Variants in ARID2 observed in about 807,000 individuals in gnomAD.
ARID2 encodes the protein AT-rich interaction domain 2, also known as AT-rich interactive domain-containing protein 2.
A neutral mutation model predicts 184.6 loss-of-function variants in ARID2; 32 were observed. The observed-to-expected ratio is 0.17, with a 90% confidence interval of 0.13 to 0.23. The LOEUF is 0.23. Ranked by LOEUF, ARID2 falls within the 10% of genes least tolerant of loss-of-function variation. The pLI, the probability that ARID2 is intolerant of heterozygous loss-of-function variation, is 1.00. For synonymous variants in ARID2, 836 were observed against 772.6 expected (o/e 1.08, Z -1.36); for missense variants, 1,696 against 2,197.6 (o/e 0.77, Z 4.56).
chr12:45,793,450 CTAA>C (rs1355981224), intron 3 of ARID2, among the ~76,000 whole-genome samples: 1 of 151,630 alleles, frequency 6.6e-6, no homozygotes, highest in Non-Finnish European at 1.5e-5. Context: ...CTATCACTGT[CTAA>C]TACTTGGTGC....
intron 3 of ARID2, among the ~76,000 whole-genome samples, chr12:45,785,873 A>G (rs1341885599): frequency 6.6e-6 from 1 of 152,180 alleles, no homozygotes; most frequent in Admixed American, 6.5e-5. Flanking sequence ...ATCCAGTGAA[A>G]TAATAGATTT....
chr12:45,836,809 A>C lies in ARID2; in HGVS notation c.841A>C (p.Ile281Leu), dbSNP rs762692646. ...HPPRKLGIND[I>L]EGQRVLQIAV... ...ACCTCGAAAGCTGGGCATTAACGAT[A>C]TTGAAGGACAGCGGGTACTTCAGAT... The change falls in exon 8 of 21, where the codon ATT becomes CTT. Residue 281 changes from isoleucine (I) to leucine (L), a missense_variant. By Grantham distance (5) the Ile-to-Leu change is conservative (BLOSUM62 2). Around this residue, in one of 11 missense-constraint regions of ARID2, gnomAD observed 148 missense variants for 285.4 expected, o/e 0.52. Transcript: ENST00000334344. The C allele has an allele frequency of 1.9e-5, 31 of 1,614,144 alleles. No homozygotes were observed. The highest frequency in any genetic ancestry group is 4.0e-5 in the African/African-American group (3 of 75,064).
intron 16 of ARID2, among the ~76,000 whole-genome samples, chr12:45,873,045 T>C (rs759393875): frequency 2.0e-5 from 3 of 152,240 alleles, no homozygotes; most frequent in Admixed American, 6.5e-5. Context: ...CATGTTTTGA[T>C]GCTTTATGTT....
intron 4 of ARID2, among the ~76,000 whole-genome samples, chr12:45,812,130 G>C (rs1310770389): frequency 6.6e-6 from 1 of 151,708 alleles, no homozygotes; most frequent in Non-Finnish European, 1.5e-5. Context: ...GGCTCTGGAG[G>C]TCAGGACTGT....
chr12:45,903,372 C>CA (rs1240342210), intron 20 of ARID2, among the ~76,000 whole-genome samples: 1 of 152,088 alleles, frequency 6.6e-6, no homozygotes, highest in Non-Finnish European at 1.5e-5. Context: ...ATTGGTGACT[C>CA]ATAAGATGTT....
chr12:45,856,344 G>A (rs189564205), intron 15 of ARID2, among the ~76,000 whole-genome samples: 1 of 152,200 alleles, frequency 6.6e-6, no homozygotes, highest in Non-Finnish European at 1.5e-5. Context: ...TGGGATTACA[G>A]GCGTAAGCCA....
rs1944510217 is a variant in ARID2 at position 45,905,332 on chromosome 12, G to T, written c.*254G>T. 8.7e-6 allele frequency: 3 copies of T among 346,130 alleles called. No individual in the cohort carries two copies. In the East Asian group the frequency reaches 1.3e-4, roughly 15 times the overall value. 21.4% of individuals were successfully genotyped at this position (346,130 alleles called of 1,614,324 possible). On this transcript the variant is annotated 3_prime_UTR_variant, in exon 21 of 21. Coordinates refer to ENST00000334344, the MANE Select transcript of ARID2 (RefSeq NM_152641.4). ...GGATTGTCAACCAGCTTATCTGCAG[G>T]ATGTTTCAGATCTGATAAATCCTGA...
intron 3 of ARID2, among the ~76,000 whole-genome samples, chr12:45,749,810 C>T (rs1476857581): frequency 6.6e-6 from 1 of 152,212 alleles, no homozygotes; most frequent in Non-Finnish European, 1.5e-5. Context: ...GACTTTCCTT[C>T]TGCAGCTTCC....
At chr12:45,898,248 A>T (rs546125060) in intron 20 of ARID2, among the ~76,000 whole-genome samples, 40 of 152,318 alleles carry the variant, frequency 2.6e-4, no homozygotes, top group African/African-American at 8.9e-4. Context: ...AGAGACAGAA[A>T]GTAGAACAGT....
intron 3 of ARID2, among the ~76,000 whole-genome samples, chr12:45,795,025 G>GT (rs1942363604): frequency 2.7e-5 from 4 of 149,748 alleles, no homozygotes; most frequent in Admixed American, 2.0e-4. Flanking sequence ...CACTCCTGTC[G>GT]TTTTTTGTGT....
At chr12:45,870,928 A>C (rs1366444624) in intron 16 of ARID2, among the ~76,000 whole-genome samples, 2 of 152,210 alleles carry the variant, frequency 1.3e-5, no homozygotes, top group Admixed American at 6.5e-5. Context: ...ATTTATGTGT[A>C]AGTTTGTGTG....
rs1196522338 is a variant in ARID2, at chr12:45,906,056, G to A, written c.*978G>A. The A allele has an allele frequency of 4.3e-6, 1 of 230,888 alleles. No individual in the cohort carries two copies. Among genetic ancestry groups the A allele is most frequent in the East Asian group, 6.2e-5 (1 of 16,228 alleles). The allele number at this position is 230,888 out of a possible 1,614,324, so 14.3% of individuals were successfully genotyped here. ...TTTTTAGAAGAAAAACTATTTGAAG[G>A]TATTTTTTGGTTTTCCTTAACATGT... On this transcript the variant is annotated 3_prime_UTR_variant, in exon 21 of 21. Coordinates refer to ENST00000334344, the MANE Select transcript of ARID2 (RefSeq NM_152641.4).
rs555464451 is a variant in ARID2 at position 45,850,230 on chromosome 12, A to G, written c.2107A>G (p.Ile703Val). 1 of 1,614,168 alleles carries G rather than the reference A, an allele frequency of 6.2e-7. No individual in the cohort carries two copies. The highest frequency in any genetic ancestry group is 1.3e-5 in the African/African-American group (1 of 75,056). Reference protein sequence around the residue: ...HQQQNAPVTVIQSKAPIPCEV... With the variant: ...HQQQNAPVTVVQSKAPIPCEV... The stretch of plus-strand genomic sequence containing the variant: ...GCAACAAAATGCTCCAGTGACTGTC[A>G]TTCAAAGTAAAGCTCCAATTCCTTG... The change falls in exon 15 of 21, where the codon ATT (isoleucine) becomes GTT (valine). Residue 703 changes from isoleucine to valine, a missense_variant. This residue lies in a region of ARID2 where 713 missense variants were observed against 824.4 expected (regional missense o/e 0.86). Transcript: ENST00000334344.
intron 2 of ARID2, among the ~76,000 whole-genome samples, chr12:45,730,792 A>G (rs1462302680): frequency 6.9e-6 from 1 of 144,618 alleles, no homozygotes; most frequent in East Asian, 2.2e-4. Context: ...GATCTGGGAG[A>G]GGGATCGGAA....
intron 3 of ARID2, among the ~76,000 whole-genome samples, chr12:45,771,679 CA>C (rs1194740852): frequency 6.7e-6 from 1 of 149,300 alleles, no homozygotes; most frequent in Non-Finnish European, 1.5e-5. Context: ...TCTTAAAGAG[CA>C]AATGTGTAAA....
intron 3 of ARID2, among the ~76,000 whole-genome samples, chr12:45,740,607 A>G (rs1941233614): frequency 1.3e-5 from 2 of 152,290 alleles, no homozygotes; most frequent in South Asian, 2.1e-4. Context: ...GTAACAATGG[A>G]CAGTTATTAC....
At chr12:45,809,345 T>C (rs1942660363) in intron 3 of ARID2, among the ~76,000 whole-genome samples, 1 of 152,252 alleles carries the variant, frequency 6.6e-6, no homozygotes, top group African/African-American at 2.4e-5. Flanking sequence ...ACATAAATTT[T>C]GAGCACCTGT....
intron 3 of ARID2, among the ~76,000 whole-genome samples, chr12:45,742,096 C>CACAACAA (rs1181534654): frequency 6.6e-6 from 1 of 152,160 alleles, no homozygotes; most frequent in African/African-American, 2.4e-5. Context: ...AGTGTTATCC[C>CACAACAA]ACAACAAACA....
Position 45,905,225 on chromosome 12 carries a change from TTCTGA to T in ARID2, c.*151_*155del. The T allele has an allele frequency of 1.4e-6, 1 of 732,852 alleles. No individual in the cohort carries two copies. The highest frequency in any genetic ancestry group is 2.0e-6 in the Non-Finnish European group (1 of 494,394). 45.4% of individuals were successfully genotyped at this position (732,852 alleles called of 1,614,324 possible). A position where few individuals can be genotyped will look rare whatever the true frequency, so the allele number is the denominator to read the frequency against. ...CATGATGCTGAGAGGAAGCTTCGTA[TTCTGA>T]TCTCTGAGTGAATCCCTTTGTTCTC... is the stretch of plus-strand genomic sequence containing the variant. On this transcript the variant is annotated 3_prime_UTR_variant, in exon 21 of 21. Coordinates refer to ENST00000334344, the MANE Select transcript of ARID2 (RefSeq NM_152641.4).
Sources: allele counts gnomAD v4.1 joint callset (sites outside exome capture counted in the v4.1 genomes callset), GRCh38; gene constraint gnomAD v4.1.1; regional missense constraint gnomAD v4.1.1; transcripts MANE v1.5; gene names NCBI Gene and HGNC (gene_info 2026-07-23, HGNC 2026-07-21).